The following OSBPL10 variants were observed in gnomAD, a reference collection of about 807,000 sequenced individuals.
OSBPL10 encodes the protein oxysterol-binding protein-related protein 10.
A neutral mutation model predicts 81.7 loss-of-function variants in OSBPL10; 49 were observed. The ratio of observed to expected loss-of-function variants is 0.60; its 90% CI spans 0.48 to 0.76. OSBPL10 has a LOEUF of 0.76. OSBPL10 is among the 30% of genes least tolerant of loss of function. The probability of loss-of-function intolerance (pLI) is 0.00; values close to 1 mark genes in which losing one functional copy is unlikely to be tolerated. For synonymous variants in OSBPL10, 419 were observed against 383.6 expected (o/e 1.09, Z -1.08); for missense variants, 923 against 987.8 (o/e 0.93, Z 0.88).
intron 6 of OSBPL10, among the ~76,000 whole-genome samples, chr3:31,705,802 A>G (rs945040752): frequency 6.6e-6 from 1 of 152,188 alleles, no homozygotes; most frequent in Non-Finnish European, 1.5e-5. Context: ...CTTATAAAAC[A>G]GTAACAACTC....
At chr3:31,767,826 C>T (rs565932761) in intron 4 of OSBPL10, among the ~76,000 whole-genome samples, 4 of 152,244 alleles carry the variant, frequency 2.6e-5, no homozygotes, top group Admixed American at 2.0e-4. Flanking sequence ...TGTCAGTAGT[C>T]GGGGCTGTCA....
rs1385038054 is a variant in OSBPL10 at position 31,720,217 on chromosome 3, AT to A, written c.1095+13039del. On this transcript the variant is annotated intron_variant, in intron 6 of 11. Coordinates refer to ENST00000396556, the MANE Select transcript of OSBPL10 (RefSeq NM_017784.5). ...TTCTACTGTATTTTTTAATGCAATA[AT>A]TATGCTGTTTTACAATAATTTTAAA... Among the ~76,000 whole-genome samples the A allele has an allele frequency of 4.6e-5, 7 of 152,150 alleles. No individual in the cohort carries two copies. In the East Asian group the frequency reaches 1.4e-3, roughly 29 times the overall value.
chr3:31,790,740 T>C (rs564337656), intron 4 of OSBPL10, among the ~76,000 whole-genome samples: 98 of 152,272 alleles, frequency 6.4e-4, no homozygotes, highest in Middle Eastern at 6.8e-3. Flanking sequence ...TGACACCTGG[T>C]GACCCTGATA....
intron 4 of OSBPL10, among the ~76,000 whole-genome samples, chr3:31,768,102 T>C (rs1031189588): frequency 1.3e-4 from 20 of 152,156 alleles, no homozygotes; most frequent in African/African-American, 4.3e-4. Context: ...GAACTGAGGG[T>C]TCCTCCTCCT....
intron 4 of OSBPL10, among the ~76,000 whole-genome samples, chr3:31,773,936 G>C (rs1182400841): frequency 6.6e-6 from 1 of 152,132 alleles, no homozygotes; most frequent in African/African-American, 2.4e-5. Context: ...GGCCGAGGTG[G>C]GTGGATCACG....
chr3:32,003,641 T>G (rs1182671159), intron 2 of OSBPL10, among the ~76,000 whole-genome samples: 1 of 152,190 alleles, frequency 6.6e-6, no homozygotes, highest in African/African-American at 2.4e-5. Flanking sequence ...AACAGGATAA[T>G]CCTCTTTCTC....
intron 3 of OSBPL10, among the ~76,000 whole-genome samples, chr3:31,837,489 T>C (rs1375133300): frequency 6.6e-6 from 1 of 150,538 alleles, no homozygotes; most frequent in Non-Finnish European, 1.5e-5. Context: ...AAGCAAAAAA[T>C]TACAGTAACC....
chr3:31,775,195 G>C (rs934021750), intron 4 of OSBPL10, among the ~76,000 whole-genome samples: 2 of 152,016 alleles, frequency 1.3e-5, no homozygotes, highest in Admixed American at 1.3e-4. Context: ...TGGAGCTGTG[G>C]AAGGAAGTGC....
chr3:31,966,151 TTATGTGTGTGTG>T lies in OSBPL10; in HGVS notation c.281+14736_281+14747del, dbSNP rs1411939870. 4.8e-5 allele frequency among the ~76,000 whole-genome samples: 5 copies of T among 104,462 alleles called. 1 individual carries two copies. The highest frequency in any genetic ancestry group is 6.6e-4 in the South Asian group (2 of 3,038). The allele number at this position is 104,462 out of a possible 152,430, so 68.5% of individuals were successfully genotyped here. On this transcript the variant is annotated intron_variant, in intron 1 of 11. Transcript: ENST00000396556. ...CTCTACTACAACAACAACAACAAAA[TTATGTGTGTGTG>T]TGTGTGTGTGTGTGTGTGTGTGTGT...
intron 1 of OSBPL10, among the ~76,000 whole-genome samples, chr3:31,886,574 C>T (rs989406342): frequency 4.6e-5 from 7 of 152,192 alleles, no homozygotes; most frequent in African/African-American, 1.7e-4. Flanking sequence ...ACTGCATGAA[C>T]GGGGCCTGTG....
intron 1 of OSBPL10, among the ~76,000 whole-genome samples, chr3:31,955,379 C>G (rs1199948344): frequency 5.3e-5 from 8 of 152,294 alleles, no homozygotes; most frequent in South Asian, 2.1e-4. Context: ...AATTTGAAAC[C>G]AGCTCTACCA....
chr3:31,843,493 C>T (rs1380809541), intron 3 of OSBPL10, among the ~76,000 whole-genome samples: 1 of 152,230 alleles, frequency 6.6e-6, no homozygotes, highest in Non-Finnish European at 1.5e-5. Context: ...GACATTCCTG[C>T]ACCCAAGCCT....
At chr3:32,058,578 C>T (rs560161359) in intron 1 of OSBPL10, among the ~76,000 whole-genome samples, 2 of 152,178 alleles carry the variant, frequency 1.3e-5, no homozygotes, top group African/African-American at 2.4e-5. Flanking sequence ...CCGCCCACCT[C>T]GGCCTCCCAA....
At chr3:31,702,251 C>T (rs998923068) in intron 7 of OSBPL10, 108 bp downstream of exon 7, 3 of 1,343,474 alleles carry the variant, frequency 2.2e-6, no homozygotes, top group Admixed American at 4.8e-5. Context: ...TTTCCCCACT[C>T]TTCTTCTCCA....
chr3:31,765,166 T>C (rs868111481), intron 4 of OSBPL10, among the ~76,000 whole-genome samples: 2 of 152,076 alleles, frequency 1.3e-5, no homozygotes, highest in Middle Eastern at 3.4e-3. Flanking sequence ...TACAGGCATG[T>C]GCCACCATGC....
intron 2 of OSBPL10, among the ~76,000 whole-genome samples, chr3:32,015,135 T>C (rs1230299064): frequency 3.3e-5 from 5 of 152,210 alleles, no homozygotes; most frequent in Non-Finnish European, 7.4e-5. Context: ...CCTGCATTGC[T>C]AAGTCAATCC....
intron 2 of OSBPL10, chr3:31,989,849 A>G (rs748756775): frequency 2.5e-6 from 4 of 1,614,184 alleles, no homozygotes; most frequent in Non-Finnish European, 3.4e-6. Flanking sequence ...GGAGGGAAAC[A>G]ATATAAATGT....
chr3:31,858,090 G>A (rs1700972439), intron 3 of OSBPL10, among the ~76,000 whole-genome samples: 1 of 151,160 alleles, frequency 6.6e-6, no homozygotes, highest in South Asian at 2.1e-4. Flanking sequence ...TGACCTCCCT[G>A]GGCTTAAGCA....
intron 3 of OSBPL10, among the ~76,000 whole-genome samples, chr3:31,842,084 T>C (rs1239795000): frequency 6.6e-6 from 1 of 152,220 alleles, no homozygotes; most frequent in Non-Finnish European, 1.5e-5. Context: ...AGGGAGATGA[T>C]GCAGAAACTC....
Sources: gnomAD v4.1 joint callset for allele counts (sites outside exome capture counted in the v4.1 genomes callset) on GRCh38, gnomAD v4.1.1 for gene constraint, MANE v1.5 for transcripts, NCBI Gene and HGNC (gene_info 2026-07-23, HGNC 2026-07-21) for gene names.